PRKCE: variants seen among roughly 807,000 people sequenced by gnomAD.
PRKCE encodes the protein protein kinase C epsilon.
A neutral mutation model predicts 85.4 loss-of-function variants in PRKCE; 16 were observed. The ratio of observed to expected loss-of-function variants is 0.19; its 90% CI spans 0.13 to 0.28. The LOEUF is 0.28. Ranked by LOEUF, PRKCE falls within the 10% of genes least tolerant of loss-of-function variation. The probability of loss-of-function intolerance (pLI) is 1.00; values close to 1 mark genes in which losing one functional copy is unlikely to be tolerated. For missense variants in PRKCE, 573 were observed against 975.2 expected (o/e 0.59, Z 5.49); for synonymous variants, 388 against 371.5 (o/e 1.04, Z -0.51).
At chr2:46,104,673 C>A (rs556355513) in intron 11 of PRKCE, among the ~76,000 whole-genome samples, 1 of 152,086 alleles carries the variant, frequency 6.6e-6, no homozygotes, top group Non-Finnish European at 1.5e-5. Context: ...TTATGAGGTT[C>A]CAGATGGCCA....
chr2:45,707,140 G>A (rs1463762278), intron 1 of PRKCE, among the ~76,000 whole-genome samples: 1 of 152,212 alleles, frequency 6.6e-6, no homozygotes, highest in East Asian at 1.9e-4. Context: ...GATGATTGCA[G>A]TGGAAGTCCC....
intron 1 of PRKCE, among the ~76,000 whole-genome samples, chr2:45,669,651 C>G (rs1676065408): frequency 6.6e-6 from 1 of 152,214 alleles, no homozygotes; most frequent in African/African-American, 2.4e-5. Flanking sequence ...TTGTCCTACT[C>G]TGTTCGTAGA....
At chr2:46,092,863 G>A (rs3768758) in intron 11 of PRKCE, among the ~76,000 whole-genome samples, 1 of 152,114 alleles carries the variant, frequency 6.6e-6, no homozygotes, top group Non-Finnish European at 1.5e-5. Flanking sequence ...TTAGGGATTT[G>A]CTGACATGAA....
At chr2:45,971,043 A>G (rs190456962) in intron 2 of PRKCE, among the ~76,000 whole-genome samples, 5 of 152,278 alleles carry the variant, frequency 3.3e-5, no homozygotes, top group African/African-American at 1.2e-4. Context: ...CATAAGATGT[A>G]CGCTTTCAGC....
chr2:46,173,024 C>G (rs1450470038), intron 14 of PRKCE, among the ~76,000 whole-genome samples: 1 of 152,206 alleles, frequency 6.6e-6, no homozygotes, highest in Non-Finnish European at 1.5e-5. Flanking sequence ...AAACACAGTA[C>G]ACTGTTCTAT....
chr2:45,738,261 C>A (rs1290189311), intron 1 of PRKCE, among the ~76,000 whole-genome samples: 1 of 152,212 alleles, frequency 6.6e-6, no homozygotes, highest in Non-Finnish European at 1.5e-5. Context: ...TAAGCAATGA[C>A]TTCTTGCATA....
chr2:45,988,005 G>C (rs1188647891), intron 6 of PRKCE, among the ~76,000 whole-genome samples: 2 of 152,214 alleles, frequency 1.3e-5, no homozygotes, highest in African/African-American at 2.4e-5. Context: ...AAGCATCCCC[G>C]AGCAAGTCCC....
rs1463139564 is a variant in PRKCE, at chr2:45,956,788, T to A, written c.413-19641T>A. On this transcript the variant is annotated intron_variant, in intron 2 of 14. Transcript: ENST00000306156. ...AAGACACAATGCTGAAATTGCATGT[T>A]CACCAGCACTTCATATTTTCAGGTT... 3.3e-5 allele frequency among the ~76,000 whole-genome samples: 5 copies of A among 152,364 alleles called. 1 individual carries two copies. The highest frequency in any genetic ancestry group is 7.3e-5 in the Non-Finnish European group (5 of 68,034).
In PRKCE at chr2:46,138,236, C is replaced by T. The variant is rs1297306710; in HGVS notation, c.1593-6857C>T. 6.6e-6 allele frequency among the ~76,000 whole-genome samples: 1 copy of T among 152,156 alleles called. No individual in the cohort carries two copies. The highest frequency in any genetic ancestry group is 3.2e-3 in the Middle Eastern group (1 of 316). The stretch of plus-strand genomic sequence containing the variant: ...GTAGAGTCTGTGATCCCTTGTGCTC[C>T]ATGTTCTCCTCACCACAAAGATTTC... On this transcript the variant is annotated intron_variant, in intron 11 of 14. Transcript: ENST00000306156. The surrounding 1 kb of genome is among the most constrained non-coding windows in gnomAD (Gnocchi z 4.2).
In PRKCE at chr2:45,702,716, G is replaced by T. The variant is rs572295891; in HGVS notation, c.348+50268G>T. On this transcript the variant is annotated intron_variant, in intron 1 of 14. Transcript: ENST00000306156. ...TTTCCCCCAAAATAAAGCTCTAGGGGTACCCCAGCATATAAAGTGAATCTA... is the reference window on the plus strand; with the variant it reads ...TTTCCCCCAAAATAAAGCTCTAGGGTTACCCCAGCATATAAAGTGAATCTA... Among the ~76,000 whole-genome samples the T allele has an allele frequency of 2.6e-5, 4 of 152,062 alleles. No homozygotes were observed. In the South Asian group the frequency reaches 8.3e-4, roughly 32 times the overall value.
Position 46,086,154 on chromosome 2 carries a change from G to T in PRKCE, c.1438-54G>T. 2.5e-6 allele frequency: 4 copies of T among 1,571,456 alleles called. No homozygotes were observed. The South Asian group carries it at 3.4e-5, about 13-fold the overall frequency. On this transcript the variant is annotated intron_variant, in intron 10 of 14. Transcript: ENST00000306156. ...CACTGAGCTCACACTAAGCTGGCCTGTGTGGGCAGCTGCAATCAAATGACC... is the reference window on the plus strand; with the variant it reads ...CACTGAGCTCACACTAAGCTGGCCTTTGTGGGCAGCTGCAATCAAATGACC...
intron 10 of PRKCE, among the ~76,000 whole-genome samples, chr2:46,026,303 C>G (rs1015757572): frequency 6.6e-6 from 1 of 152,058 alleles, no homozygotes; most frequent in African/African-American, 2.4e-5. Flanking sequence ...GATGTGAAAC[C>G]TAAAATCTCA....
chr2:45,712,763 T>C (rs1194991090), intron 1 of PRKCE, among the ~76,000 whole-genome samples: 1 of 152,120 alleles, frequency 6.6e-6, no homozygotes, highest in East Asian at 1.9e-4. Flanking sequence ...TCCTCTGGGC[T>C]TCCATCTGCT....
At chr2:45,817,109 G>GTGTA (rs1303424935) in intron 1 of PRKCE, among the ~76,000 whole-genome samples, 7 of 145,436 alleles carry the variant, frequency 4.8e-5, no homozygotes, top group African/African-American at 1.8e-4. Context: ...GTGTGTGTGT[G>GTGTA]TTGTGGGTAG....
intron 1 of PRKCE, among the ~76,000 whole-genome samples, chr2:45,792,203 G>A (rs1169378574): frequency 6.6e-6 from 1 of 151,980 alleles, no homozygotes; most frequent in Non-Finnish European, 1.5e-5. Flanking sequence ...AAACCTGAGG[G>A]GTGTCCTGGC....
intron 1 of PRKCE, among the ~76,000 whole-genome samples, chr2:45,837,785 G>A (rs1282486080): frequency 6.6e-6 from 1 of 152,178 alleles, no homozygotes; most frequent in Admixed American, 6.5e-5. Context: ...GAGGTGGGAG[G>A]AAGGTTTGGG....
At chr2:45,814,023 G>C (rs1688840435) in intron 1 of PRKCE, among the ~76,000 whole-genome samples, 1 of 152,122 alleles carries the variant, frequency 6.6e-6, no homozygotes, top group Admixed American at 6.5e-5. Context: ...CAGGACATCA[G>C]AGAAGCCCCC....
intron 11 of PRKCE, among the ~76,000 whole-genome samples, chr2:46,121,316 T>C (rs546260984): frequency 6.6e-6 from 1 of 152,284 alleles, no homozygotes; most frequent in African/African-American, 2.4e-5. Context: ...GTAGGCGTTG[T>C]ATTGTTTATG....
At chr2:45,660,877 GACAGGA>G (rs1675605106) in intron 1 of PRKCE, among the ~76,000 whole-genome samples, 1 of 152,152 alleles carries the variant, frequency 6.6e-6, no homozygotes, top group Admixed American at 6.5e-5. Flanking sequence ...GAACCAGGAG[GACAGGA>G]ACATACAATT....
Sources: allele counts gnomAD v4.1 joint callset (sites outside exome capture counted in the v4.1 genomes callset), GRCh38; gene constraint gnomAD v4.1.1; non-coding constraint Gnocchi (gnomAD v3.1); transcripts MANE v1.5; gene names NCBI Gene and HGNC (gene_info 2026-07-23, HGNC 2026-07-21).